Variants in SNED1 observed in about 807,000 individuals in gnomAD.
The protein encoded by SNED1 is sushi, nidogen and EGF like domains 1.
A neutral mutation model predicts 166.7 loss-of-function variants in SNED1; 81 were observed. The ratio of observed to expected loss-of-function variants is 0.49; its 90% CI spans 0.41 to 0.58. SNED1 has a LOEUF of 0.58. Among genes scored for constraint, SNED1 ranks in the 20% least tolerant of loss-of-function variants. The probability of loss-of-function intolerance (pLI) is 0.00; values close to 1 mark genes in which losing one functional copy is unlikely to be tolerated. For synonymous variants in SNED1, 762 were observed against 822.0 expected (o/e 0.93, Z 1.25); for missense variants, 1,604 against 2,000.2 (o/e 0.80, Z 3.78).
At position 241,068,690 on chromosome 2, in the gene SNED1, C is replaced by T. The variant is rs1313992998; in HGVS notation, c.3195-221C>T. Among the ~76,000 whole-genome samples the T allele has an allele frequency of 6.6e-6, 1 of 152,144 alleles. No homozygotes were observed. Among genetic ancestry groups the T allele is most frequent in the Non-Finnish European group, 1.5e-5 (1 of 68,014 alleles). Reference sequence around the variant, plus strand: ...CATACTGTAGCAGCCCCAAGCGCACCCGATCCTCCTCCGCTGCCCGGACTA... The same window carrying T: ...CATACTGTAGCAGCCCCAAGCGCACTCGATCCTCCTCCGCTGCCCGGACTA... On this transcript the variant is annotated intron_variant, in intron 22 of 31. Transcript: ENST00000310397. The surrounding 1 kb of genome is among the most constrained non-coding windows in gnomAD (Gnocchi z 5.3).
intron 8 of SNED1, among the ~76,000 whole-genome samples, chr2:241,043,747 G>A (rs1407662143): frequency 6.6e-6 from 1 of 152,166 alleles, no homozygotes; most frequent in African/African-American, 2.4e-5. Context: ...AAATACTTTT[G>A]GCTTTGTGAG....
intron 29 of SNED1, among the ~76,000 whole-genome samples, chr2:241,084,251 C>T (rs1210409174): frequency 6.6e-6 from 1 of 151,884 alleles, no homozygotes; most frequent in East Asian, 1.9e-4. Context: ...ATTCTCCTGC[C>T]TCAGCCCCCC....
intron 8 of SNED1, among the ~76,000 whole-genome samples, chr2:241,047,519 C>G (rs1574977880): frequency 6.6e-6 from 1 of 152,238 alleles, no homozygotes; most frequent in Admixed American, 6.5e-5. Context: ...ACGTTATTCT[C>G]AAGTGCTCTT....
Position 241,048,374 on chromosome 2 carries a change from G to A in SNED1, c.1333G>A (p.Val445Met). The A allele has an allele frequency of 1.2e-6, 2 of 1,612,052 alleles. No homozygotes were observed. Among genetic ancestry groups the A allele is most frequent in the Non-Finnish European group, 1.7e-6 (2 of 1,179,238 alleles). The change falls in exon 9 of 32, where the codon GTG (valine) becomes ATG (methionine). Residue 445 changes from valine (V) to methionine (M), a missense_variant. This residue lies in a region of SNED1 where 1,237 missense variants were observed against 1,620.8 expected (regional missense o/e 0.76). Transcript: ENST00000310397. ...SAPCHNGGTC[V>M]DADQGYVCEC... Reference sequence around the variant, plus strand: ...CCCTTGCCACAATGGGGGCACCTGTGTGGATGCGGACCAGGGCTACGTGTG... The same window carrying A: ...CCCTTGCCACAATGGGGGCACCTGTATGGATGCGGACCAGGGCTACGTGTG...
At chr2:241,056,743 G>A (rs1185153684) in intron 16 of SNED1, among the ~76,000 whole-genome samples, 3 of 151,748 alleles carry the variant, frequency 2.0e-5, no homozygotes, top group Non-Finnish European at 4.4e-5. Flanking sequence ...ACCACGCCCG[G>A]CTAATTTTTT....
intron 1 of SNED1, among the ~76,000 whole-genome samples, chr2:241,025,324 G>T (rs547719226): frequency 6.6e-6 from 1 of 152,176 alleles, no homozygotes; most frequent in Non-Finnish European, 1.5e-5. Flanking sequence ...TGGAAAAATT[G>T]TCTTCTATGA....
At chr2:241,039,672 C>T (rs559005124) in intron 6 of SNED1, among the ~76,000 whole-genome samples, 1 of 152,274 alleles carries the variant, frequency 6.6e-6, no homozygotes, top group South Asian at 2.1e-4. Flanking sequence ...ACTCCTACAC[C>T]CTGGGTGCTG....
rs2060484188 is a variant in SNED1 at position 241,013,611 on chromosome 2, G to A, written c.213+14561G>A. Among the ~76,000 whole-genome samples, 1 of 151,946 alleles carries A rather than the reference G, an allele frequency of 6.6e-6. No individual in the cohort carries two copies. Among genetic ancestry groups the A allele is most frequent in the South Asian group, 2.1e-4 (1 of 4,800 alleles). ...TGCCTCAGCCTCCCAAAGTGCTGGG[G>A]GTTATAGGCGTGAACCACCACACCT... is the stretch of plus-strand genomic sequence containing the variant. On this transcript the variant is annotated intron_variant, in intron 1 of 31. Coordinates refer to ENST00000310397, the MANE Select transcript of SNED1 (RefSeq NM_001080437.3). This position sits in a 1 kb window ranked among gnomAD's most constrained non-coding sequence, Gnocchi z 4.6.
chr2:241,014,189 A>T (rs2060502115), intron 1 of SNED1, among the ~76,000 whole-genome samples: 1 of 151,812 alleles, frequency 6.6e-6, no homozygotes, highest in African/African-American at 2.4e-5. Flanking sequence ...TTGTATTTTT[A>T]GGAGAGACAG....
intron 28 of SNED1, 101 bp downstream of exon 28, chr2:241,081,894 C>T (rs1031764536): frequency 3.3e-5 from 29 of 866,486 alleles, no homozygotes; most frequent in African/African-American, 6.7e-5. Flanking sequence ...AGCCTCCAAA[C>T]GATGAGGTGC....
intron 1 of SNED1, among the ~76,000 whole-genome samples, chr2:241,007,323 T>A (rs1259682127): frequency 6.6e-6 from 1 of 152,200 alleles, no homozygotes; most frequent in Admixed American, 6.5e-5. Context: ...CCCAGGCAGC[T>A]CCCCACAGAA....
intron 4 of SNED1, chr2:241,035,800 G>A (rs1680754336): frequency 7.0e-6 from 1 of 143,774 alleles, no homozygotes; most frequent in Admixed American, 6.9e-5. Context: ...ACAGGGTTGG[G>A]GATGAGGGGT....
rs2061478854 is a variant in SNED1, at chr2:241,039,982, G to C, written c.1046-93G>C. Reference sequence around the variant, plus strand: ...GCCCCCCTGCAATGTAAGCCAGTTGGGGGTGGGGCTCAGTGTACGTCCCAG... The same window carrying C: ...GCCCCCCTGCAATGTAAGCCAGTTGCGGGTGGGGCTCAGTGTACGTCCCAG... On this transcript the variant is annotated intron_variant, in intron 6 of 31. Transcript: ENST00000310397. 3.0e-6 allele frequency: 3 copies of C among 1,004,776 alleles called. No homozygotes were observed. In the South Asian group the frequency reaches 4.5e-5, roughly 15 times the overall value. The allele number at this position is 1,004,776 out of a possible 1,614,324, so 62.2% of individuals were successfully genotyped here. A position where few individuals can be genotyped will look rare whatever the true frequency, so the allele number is the denominator to read the frequency against.
intron 24 of SNED1, 143 bp from the exon 25 acceptor site, chr2:241,071,433 T>C (rs954096010): frequency 4.2e-5 from 40 of 952,180 alleles, no homozygotes; most frequent in Non-Finnish European, 5.5e-5. Flanking sequence ...CACAAGCACC[T>C]TGGATGACCA....
At chr2:240,998,566 C>T (rs545430658), upstream of SNED1, among the ~76,000 whole-genome samples, 31 of 152,202 alleles carry the variant, frequency 2.0e-4, 1 homozygote, top group Admixed American at 1.8e-3. Flanking sequence ...GCCCCGCCCC[C>T]CCGAGTGACC....
At chr2:241,014,825 G>A (rs540477403) in intron 1 of SNED1, among the ~76,000 whole-genome samples, 18 of 152,244 alleles carry the variant, frequency 1.2e-4, no homozygotes, top group African/African-American at 4.3e-4. Context: ...TAATACACCT[G>A]GAGGTGATCT....
Position 241,064,677 on chromosome 2 carries a change from G to A in SNED1, c.2600-167G>A, listed in dbSNP as rs752312563. Among the ~76,000 whole-genome samples the A allele has an allele frequency of 2.0e-5, 3 of 152,142 alleles. No homozygotes were observed. Among genetic ancestry groups the A allele is most frequent in the Non-Finnish European group, 4.4e-5 (3 of 68,022 alleles). ...TGGAGGAGCTGCTGGGTTGGGCCCC[G>A]CAGGGCAGTGGAGGTGGCAGAACCG... is the stretch of plus-strand genomic sequence containing the variant. On this transcript the variant is annotated intron_variant, in intron 19 of 31. Transcript: ENST00000310397. The surrounding 1 kb of genome is among the most constrained non-coding windows in gnomAD (Gnocchi z 7.0).
chr2:241,083,318 A>G (rs1376731585), intron 29 of SNED1, among the ~76,000 whole-genome samples: 3 of 152,072 alleles, frequency 2.0e-5, no homozygotes, highest in Non-Finnish European at 4.4e-5. Flanking sequence ...GAGAGTGGTG[A>G]GAGGTGAGGG....
intron 1 of SNED1, among the ~76,000 whole-genome samples, chr2:241,024,684 A>ATTTTATTTTATTTTATTTTATTT (rs1214937392): frequency 3.3e-5 from 1 of 30,532 alleles, no homozygotes; most frequent in South Asian, 1.1e-3. Flanking sequence ...TATTTTATTT[A>ATTTTATTTTATTTTATTTTATTT]TTTTTGAGAC....
Sources: allele counts gnomAD v4.1 joint callset (sites outside exome capture counted in the v4.1 genomes callset), GRCh38; gene constraint gnomAD v4.1.1; regional missense constraint gnomAD v4.1.1; non-coding constraint Gnocchi (gnomAD v3.1); transcripts MANE v1.5; gene names NCBI Gene and HGNC (gene_info 2026-07-23, HGNC 2026-07-21).